The following ARHGAP11A variants were observed in gnomAD, a reference collection of about 807,000 sequenced individuals.
ARHGAP11A encodes rho GTPase-activating protein 11A.
A neutral mutation model predicts 60.5 loss-of-function variants in ARHGAP11A; 36 were observed. The ratio of observed to expected loss-of-function variants is 0.59; its 90% CI spans 0.46 to 0.79. ARHGAP11A has a LOEUF of 0.79. Ranked by LOEUF, ARHGAP11A falls within the 30% of genes least tolerant of loss-of-function variation. The probability of loss-of-function intolerance (pLI) is 0.00; values close to 1 mark genes in which losing one functional copy is unlikely to be tolerated. For missense variants in ARHGAP11A, 1,071 were observed against 1,199.2 expected (o/e 0.89, Z 1.58); for synonymous variants, 362 against 415.5 (o/e 0.87, Z 1.57).
At position 32,615,950 on chromosome 15, in the gene ARHGAP11A, A is replaced by G. The variant is rs1229879968; in HGVS notation, c.-262A>G. ...AGCTGAAAGCATTGGGTGACCAGAA[A>G]GAAGGTCGGTGTAAGTGAAGGAAGA... On this transcript the variant is annotated 5_prime_UTR_variant, in exon 1 of 12. Transcript: ENST00000361627. The G allele has an allele frequency of 7.6e-6, 4 of 523,664 alleles. No individual in the cohort carries two copies. Among genetic ancestry groups the G allele is most frequent in the Non-Finnish European group, 1.3e-5 (4 of 300,060 alleles). The allele number at this position is 523,664 out of a possible 1,614,324, so 32.4% of individuals were successfully genotyped here. A position where few individuals can be genotyped will look rare whatever the true frequency, so the allele number is the denominator to read the frequency against.
At chr15:32,623,381 G>A in intron 2 of ARHGAP11A, 111 bp from the exon 3 acceptor site, 1 of 901,426 alleles carries the variant, frequency 1.1e-6, no homozygotes, top group Non-Finnish European at 1.6e-6. Flanking sequence ...ACAGAGATTT[G>A]TGGCTTTAGA....
rs377389696 is a variant in ARHGAP11A, at chr15:32,637,345, C to T, written c.2572C>T (p.His858Tyr). ...LLEYSRQPTG[H>Y]KLASLGDTAS... ...GGAGTATAGCAGACAACCTACAGGGCATAAGTTGGCGAGTCTTGGTGATAC... is the reference window on the plus strand; with the variant it reads ...GGAGTATAGCAGACAACCTACAGGGTATAAGTTGGCGAGTCTTGGTGATAC... Residue 858 changes from histidine (H) to tyrosine (Y), a missense_variant, in exon 12 of 12, where the codon CAT (histidine) becomes TAT (tyrosine). Physicochemically the swap from His to Tyr is moderately conservative, Grantham distance 83. This residue lies in a region of ARHGAP11A where 776 missense variants were observed against 760.2 expected (regional missense o/e 1.02). Coordinates refer to ENST00000361627, the MANE Select transcript of ARHGAP11A (RefSeq NM_014783.6). 6 of 1,614,054 alleles carry T rather than the reference C, an allele frequency of 3.7e-6. No homozygotes were observed. The highest frequency in any genetic ancestry group is 1.3e-5 in the African/African-American group (1 of 74,930).
In ARHGAP11A at chr15:32,637,810, C is replaced by T. The variant is rs1199324238; in HGVS notation, c.3037C>T (p.Gln1013Ter). 1 of 1,604,762 alleles carries T rather than the reference C, an allele frequency of 6.2e-7. No homozygotes were observed. The highest frequency in any genetic ancestry group is 8.5e-7 in the Non-Finnish European group (1 of 1,177,064). ...TCCAAAACATCCTATCGGAAAAACT[C>T]AATTACTACCAACAAGTAAACCTGT... ...GSPKHPIGKTQLLPTSKPVDL is the reference protein window; with the variant it reads ...GSPKHPIGKT Residue 1013 changes from glutamine to a stop codon, truncating the protein, a stop_gained, in exon 12 of 12, where the codon CAA becomes TAA. Coordinates refer to ENST00000361627, the MANE Select transcript of ARHGAP11A (RefSeq NM_014783.6). LOFTEE classifies it high-confidence loss of function.
intron 2 of ARHGAP11A, among the ~76,000 whole-genome samples, chr15:32,622,759 G>T (rs1391128390): frequency 1.3e-5 from 2 of 152,078 alleles, no homozygotes; most frequent in East Asian, 3.9e-4. Flanking sequence ...GTAAGGACTG[G>T]GATATATCCT....
At chr15:32,620,606 C>T (rs2053272931) in intron 2 of ARHGAP11A, among the ~76,000 whole-genome samples, 2 of 150,970 alleles carry the variant, frequency 1.3e-5, no homozygotes, top group African/African-American at 4.9e-5. Context: ...TACTCATTCC[C>T]AGGATTGAAT....
rs141210305 is a variant in ARHGAP11A at position 32,634,004 on chromosome 15, G to T, written c.1307G>T (p.Arg436Leu). Residue 436 changes from arginine (R) to leucine (L), a missense_variant, in exon 10 of 12, where the codon CGT becomes CTT. Physicochemically the swap from Arg to Leu is moderately radical, Grantham distance 102 (BLOSUM62 -2). Transcript: ENST00000361627. Reference protein sequence around the residue: ...SHKEKVRRSLRLKFNLGKNGR... With the variant: ...SHKEKVRRSLLLKFNLGKNGR... ...AAAGAAAAGGTTCGAAGATCTCTGC[G>T]TTTGAAATTCAATCTAGGGAAAAAT... is the stretch of plus-strand genomic sequence containing the variant. The T allele has an allele frequency of 3.7e-6, 6 of 1,606,906 alleles. No homozygotes were observed. The highest frequency in any genetic ancestry group is 5.1e-6 in the Non-Finnish European group (6 of 1,177,968).
Position 32,638,679 on chromosome 15 carries a change from T to C in ARHGAP11A, c.*834T>C, listed in dbSNP as rs893148696. 1.4e-4 allele frequency: 22 copies of C among 152,680 alleles called. No homozygotes were observed. The highest frequency in any genetic ancestry group is 5.1e-4 in the African/African-American group (21 of 41,462). The allele number at this position is 152,680 out of a possible 1,614,324, so 9.5% of individuals were successfully genotyped here. A position where few individuals can be genotyped will look rare whatever the true frequency, so the allele number is the denominator to read the frequency against. ...TAATTTCATTTATAGTGCCAGTAGGTGTACCTTGTGTTCACTCGAACTAAG... is the reference window on the plus strand; with the variant it reads ...TAATTTCATTTATAGTGCCAGTAGGCGTACCTTGTGTTCACTCGAACTAAG... On this transcript the variant is annotated 3_prime_UTR_variant, in exon 12 of 12. Coordinates refer to ENST00000361627, the MANE Select transcript of ARHGAP11A (RefSeq NM_014783.6).
chr15:32,634,268 T>G (rs896153334), intron 10 of ARHGAP11A, among the ~76,000 whole-genome samples: 2 of 151,870 alleles, frequency 1.3e-5, no homozygotes, highest in African/African-American at 4.9e-5. Context: ...TGATCATCAG[T>G]TTTAAACATT....
chr15:32,617,496 G>A (rs1220028469), intron 1 of ARHGAP11A, among the ~76,000 whole-genome samples: 24 of 120,396 alleles, frequency 2.0e-4, no homozygotes, highest in African/African-American at 7.7e-4. Flanking sequence ...TTTTGAGATG[G>A]AGTCTCCCTC....
Position 32,632,996 on chromosome 15 carries a change from T to G in ARHGAP11A, c.1123T>G (p.Ser375Ala). ...TPVSVHIDTS[S>A]EGSSQSSLSP... ...TTTTGTAGTTCACATCGATACAAGCTCAGAAGGGTCATCTCAGAGTTCACT... is the reference window on the plus strand; with the variant it reads ...TTTTGTAGTTCACATCGATACAAGCGCAGAAGGGTCATCTCAGAGTTCACT... The change falls in exon 9 of 12, where the codon TCA becomes GCA. Residue 375 changes from serine to alanine, a missense_variant. This residue lies in a region of ARHGAP11A where 776 missense variants were observed against 760.2 expected (regional missense o/e 1.02). Transcript: ENST00000361627. 1 of 1,613,698 alleles carries G rather than the reference T, an allele frequency of 6.2e-7. No homozygotes were observed.
At chr15:32,632,123 GA>G (rs2053600544) in intron 8 of ARHGAP11A, among the ~76,000 whole-genome samples, 1 of 152,056 alleles carries the variant, frequency 6.6e-6, no homozygotes, top group African/African-American at 2.4e-5. Context: ...TTTCATAATT[GA>G]AAAAATGTGA....
At chr15:32,629,883 C>T in intron 8 of ARHGAP11A, 121 bp downstream of exon 8, 1 of 680,840 alleles carries the variant, frequency 1.5e-6, no homozygotes, top group South Asian at 2.6e-5. Context: ...TCTGTTTTAT[C>T]CAACCTATGA....
intron 6 of ARHGAP11A, among the ~76,000 whole-genome samples, chr15:32,627,434 G>A (rs1382703876): frequency 1.3e-5 from 2 of 151,956 alleles, no homozygotes; most frequent in African/African-American, 2.4e-5. Flanking sequence ...CATTGTTACT[G>A]TAAGAATCTT....
chr15:32,628,692 A>C (rs767254234), intron 6 of ARHGAP11A, 36 bp from the exon 7 acceptor site: 11 of 1,473,410 alleles, frequency 7.5e-6, no homozygotes, highest in Non-Finnish European at 1.0e-5. Context: ...AGACAAGTAA[A>C]TGTGAAGTTG....
At chr15:32,619,444 G>C (rs1030065468) in intron 1 of ARHGAP11A, among the ~76,000 whole-genome samples, 4 of 152,194 alleles carry the variant, frequency 2.6e-5, no homozygotes, top group African/African-American at 9.6e-5. Context: ...GGGATCTTCA[G>C]TGTATTAAAA....
chr15:32,627,185 T>G (rs2053478442), intron 6 of ARHGAP11A, among the ~76,000 whole-genome samples: 1 of 151,844 alleles, frequency 6.6e-6, no homozygotes, highest in Non-Finnish European at 1.5e-5. Flanking sequence ...TCCACTTTAC[T>G]AATGGCTTGC....
At chr15:32,625,786 T>G (rs548474420) in intron 6 of ARHGAP11A, among the ~76,000 whole-genome samples, 153 bp downstream of exon 6, 2 of 152,300 alleles carry the variant, frequency 1.3e-5, no homozygotes, top group South Asian at 4.1e-4. Context: ...GTTAAAGCGA[T>G]AGTACAATCT....
At chr15:32,624,994 G>A in intron 4 of ARHGAP11A, 86 bp from the exon 5 acceptor site, 2 of 1,456,716 alleles carry the variant, frequency 1.4e-6, no homozygotes, top group South Asian at 1.2e-5. Context: ...TGATAATAAG[G>A]TCTTCAAAAT....
intron 10 of ARHGAP11A, among the ~76,000 whole-genome samples, chr15:32,634,557 A>G (rs1333992646): frequency 4.6e-5 from 7 of 152,136 alleles, no homozygotes; most frequent in Non-Finnish European, 1.0e-4. Context: ...TCTAGTCCCA[A>G]ATGCTCTTCT....
Sources: allele counts gnomAD v4.1 joint callset (sites outside exome capture counted in the v4.1 genomes callset), GRCh38; gene constraint gnomAD v4.1.1; regional missense constraint gnomAD v4.1.1; transcripts MANE v1.5; gene names NCBI Gene and HGNC (gene_info 2026-07-23, HGNC 2026-07-21).